The following DENND3 variants were observed in gnomAD, a reference collection of about 807,000 sequenced individuals.
DENND3 encodes DENN domain containing 3.
In DENND3, 88 loss-of-function variants were observed where a neutral mutation model predicts 135.1. The observed-to-expected ratio is 0.65, with a 90% CI of 0.55 to 0.78. The LOEUF is 0.78. DENND3 is among the 30% of genes least tolerant of loss of function. The probability of loss-of-function intolerance (pLI) is 0.00; values close to 1 mark genes in which losing one functional copy is unlikely to be tolerated. For synonymous variants in DENND3, 693 were observed against 712.3 expected (o/e 0.97, Z 0.43); for missense variants, 1,392 against 1,688.4 (o/e 0.82, Z 3.08).
intron 5 of DENND3, among the ~76,000 whole-genome samples, chr8:141,145,842 TATATATATG>T (rs1569555485): frequency 7.2e-5 from 6 of 83,242 alleles, no homozygotes; most frequent in African/African-American, 5.2e-4. Flanking sequence ...TATATATATA[TATATATATG>T]TATTTTTTTT....
Position 141,141,556 on chromosome 8 carries a change from C to T in DENND3, c.623+232C>T, listed in dbSNP as rs773095296. 1.8e-6 allele frequency: 1 copy of T among 553,932 alleles called. No homozygotes were observed. The highest frequency in any genetic ancestry group is 3.2e-6 in the Non-Finnish European group (1 of 309,598). 34.3% of individuals were successfully genotyped at this position (553,932 alleles called of 1,614,324 possible). The stretch of plus-strand genomic sequence containing the variant: ...AGGGGGTGTGGCAGCGGGCGCTCCT[C>T]TCTGTGACTGGTAACATACGGTAAT... On this transcript the variant is annotated intron_variant, in intron 4 of 22. Coordinates refer to ENST00000519811, the MANE Select transcript of DENND3 (RefSeq NM_001352890.3). This position sits in a 1 kb window ranked among gnomAD's most constrained non-coding sequence, Gnocchi z 5.3.
chr8:141,138,222 C>G lies in DENND3; in HGVS notation c.501+85C>G. On this transcript the variant is annotated intron_variant, in intron 3 of 22. Coordinates refer to ENST00000519811, the MANE Select transcript of DENND3 (RefSeq NM_001352890.3). This position sits in a 1 kb window ranked among gnomAD's most constrained non-coding sequence, Gnocchi z 4.8. ...TACACATAACACAACATTCACCATT[C>G]TAACCATTTTAAAGTGTGCAGTTCC... 1 of 1,363,622 alleles carries G rather than the reference C, an allele frequency of 7.3e-7. No individual in the cohort carries two copies. The highest frequency in any genetic ancestry group is 1.0e-6 in the Non-Finnish European group (1 of 981,780). The allele number at this position is 1,363,622 out of a possible 1,614,324, so 84.5% of individuals were successfully genotyped here.
In DENND3 at chr8:141,155,712, G is replaced by A. The variant is rs1819352277; in HGVS notation, c.1075-137G>A. 2.7e-5 allele frequency: 31 copies of A among 1,166,912 alleles called. No homozygotes were observed. The South Asian group carries it at 5.0e-4, about 19-fold the overall frequency. The allele number at this position is 1,166,912 out of a possible 1,614,324, so 72.3% of individuals were successfully genotyped here. A position where few individuals can be genotyped will look rare whatever the true frequency, so the allele number is the denominator to read the frequency against. ...ATGAGTCACTGCACCCGGCCTATGTGTGCATTTTAAAGAGGGTCATTTAAT... is the reference window on the plus strand; with the variant it reads ...ATGAGTCACTGCACCCGGCCTATGTATGCATTTTAAAGAGGGTCATTTAAT... On this transcript the variant is annotated intron_variant, in intron 7 of 22. Coordinates refer to ENST00000519811, the MANE Select transcript of DENND3 (RefSeq NM_001352890.3).
intron 14 of DENND3, chr8:141,176,297 AAAAC>A (rs1485353842): frequency 2.2e-5 from 6 of 271,994 alleles, no homozygotes; most frequent in Non-Finnish European, 3.4e-5. Context: ...CAAAAAAAAA[AAAAC>A]AAAAAGAGGG....
chr8:141,158,356 T>A (rs1819702595), intron 8 of DENND3: 1 of 1,199,390 alleles, frequency 8.3e-7, no homozygotes, highest in Non-Finnish European at 1.1e-6. Context: ...TTTGTGAGAC[T>A]GTGTTGAAGC....
intron 20 of DENND3, chr8:141,191,493 A>AGTG (rs1824749244): frequency 6.6e-6 from 1 of 152,270 alleles, no homozygotes; most frequent in African/African-American, 2.4e-5. Context: ...TGTTTTCTGA[A>AGTG]GTGGCGGCAG....
chr8:141,135,054 T>A (rs922564601), intron 1 of DENND3, among the ~76,000 whole-genome samples: 2 of 152,168 alleles, frequency 1.3e-5, no homozygotes, highest in Admixed American at 1.3e-4. Flanking sequence ...TTAGCCAGGA[T>A]GGTCTCGATC....
chr8:141,183,861 G>GA (rs1469757568), intron 17 of DENND3, among the ~76,000 whole-genome samples: 1 of 152,032 alleles, frequency 6.6e-6, no homozygotes, highest in African/African-American at 2.4e-5. Context: ...TGCAGGTGTT[G>GA]AAACAGGAGT....
intron 1 of DENND3, among the ~76,000 whole-genome samples, chr8:141,136,250 G>A (rs781243242): frequency 4.6e-5 from 7 of 152,190 alleles, no homozygotes; most frequent in Non-Finnish European, 1.0e-4. Context: ...GTGCTTTATA[G>A]GAAGGAGGTG....
chr8:141,150,810 A>G (rs749063329), intron 5 of DENND3, 24 bp from the exon 6 acceptor site: 5 of 1,576,952 alleles, frequency 3.2e-6, no homozygotes, highest in Middle Eastern at 1.7e-4. Flanking sequence ...TCTCTGAACT[A>G]ATGACGGGAA....
At chr8:141,162,971 G>A (rs923981008) in intron 9 of DENND3, among the ~76,000 whole-genome samples, 27 of 152,300 alleles carry the variant, frequency 1.8e-4, no homozygotes, top group African/African-American at 3.6e-4. Context: ...GAAGGCTGGC[G>A]GCCGAGCTGG....
intron 17 of DENND3, 62 bp downstream of exon 17, chr8:141,180,916 G>A (rs918628586): frequency 7.0e-7 from 1 of 1,420,726 alleles, no homozygotes; most frequent in South Asian, 1.2e-5. Context: ...GCTTAGGTTT[G>A]GGTTCAGGGT....
In DENND3 at chr8:141,137,488, C is replaced by T. The variant is rs912591409; in HGVS notation, c.386-534C>T. 6.6e-6 allele frequency among the ~76,000 whole-genome samples: 1 copy of T among 152,150 alleles called. No individual in the cohort carries two copies. Among genetic ancestry groups the T allele is most frequent in the African/African-American group, 2.4e-5 (1 of 41,434 alleles). On this transcript the variant is annotated intron_variant, in intron 2 of 22. Transcript: ENST00000519811. The surrounding 1 kb of genome is among the most constrained non-coding windows in gnomAD (Gnocchi z 4.1). ...AAAAATACATCCAGTTCATCTGCAG[C>T]GGTTCCACCCCCAGTGTGCCTGAGC... is the stretch of plus-strand genomic sequence containing the variant.
intron 19 of DENND3, among the ~76,000 whole-genome samples, 151 bp from the exon 20 acceptor site, chr8:141,190,130 GGTT>G (rs1391722688): frequency 3.4e-5 from 5 of 148,334 alleles, no homozygotes; most frequent in South Asian, 2.1e-4. Flanking sequence ...TACGTTTGCA[GGTT>G]ATTATGTTTG....
intron 8 of DENND3, among the ~76,000 whole-genome samples, chr8:141,159,267 AGGGTCAGGCAGC>A (rs1388975304): frequency 6.6e-6 from 1 of 152,086 alleles, no homozygotes; most frequent in Non-Finnish European, 1.5e-5. Flanking sequence ...TGCCTCCAGG[AGGGTCAGGCAGC>A]GGCAGGGGCC....
intron 8 of DENND3, chr8:141,158,186 T>C: frequency 7.8e-7 from 1 of 1,289,520 alleles, no homozygotes; most frequent in Non-Finnish European, 1.0e-6. Context: ...TGGGCTCTCC[T>C]CCCCAGCCAA....
At position 141,141,152 on chromosome 8, in the gene DENND3, T is replaced by C. The variant is rs1817404142; in HGVS notation, c.502-51T>C. On this transcript the variant is annotated intron_variant, in intron 3 of 22. Transcript: ENST00000519811. The surrounding 1 kb of genome is among the most constrained non-coding windows in gnomAD (Gnocchi z 5.3). ...ACGTGACCCAGTTGGAAACAGATACTGGAATTGCCAAGGTGGGGAGGTGAC... is the reference window on the plus strand; with the variant it reads ...ACGTGACCCAGTTGGAAACAGATACCGGAATTGCCAAGGTGGGGAGGTGAC... The C allele has an allele frequency of 6.2e-7, 1 of 1,613,332 alleles. No homozygotes were observed. The highest frequency in any genetic ancestry group is 1.3e-5 in the African/African-American group (1 of 75,042).
rs999133012 is a variant in DENND3 at position 141,178,167 on chromosome 8, T to C, written c.2807T>C (p.Leu936Ser). 6.2e-7 allele frequency: 1 copy of C among 1,612,954 alleles called. No individual in the cohort carries two copies. Among genetic ancestry groups the C allele is most frequent in the Non-Finnish European group, 8.5e-7 (1 of 1,178,894 alleles). The change falls in exon 16 of 23, where the codon TTA (leucine) becomes TCA (serine). Residue 936 changes from leucine to serine, a missense_variant. Coordinates refer to ENST00000519811, the MANE Select transcript of DENND3 (RefSeq NM_001352890.3). ...SPGAIYAASK[L>S]SYFDKMSNEM... ...GGCGCCATCTACGCTGCCTCCAAGT[T>C]ATCCTACTTTGATAAGATGAGTAAC...
chr8:141,182,238 C>A lies in DENND3; in HGVS notation c.2944+1384C>A. On this transcript the variant is annotated intron_variant, in intron 17 of 22. Coordinates refer to ENST00000519811, the MANE Select transcript of DENND3 (RefSeq NM_001352890.3). The surrounding 1 kb of genome is among the most constrained non-coding windows in gnomAD (Gnocchi z 5.9). Reference sequence around the variant, plus strand: ...TTCACAGAGCACCTGGCCATTCACACACGGAGCTCATGCTTCAGGTGGGCA... The same window carrying A: ...TTCACAGAGCACCTGGCCATTCACAAACGGAGCTCATGCTTCAGGTGGGCA... The A allele has an allele frequency of 1.1e-6, 1 of 932,140 alleles. No individual in the cohort carries two copies. The highest frequency in any genetic ancestry group is 1.3e-6 in the Non-Finnish European group (1 of 781,350). The allele number at this position is 932,140 out of a possible 1,614,324, so 57.7% of individuals were successfully genotyped here. A position where few individuals can be genotyped will look rare whatever the true frequency, so the allele number is the denominator to read the frequency against.
Sources: allele counts gnomAD v4.1 joint callset (sites outside exome capture counted in the v4.1 genomes callset), GRCh38; gene constraint gnomAD v4.1.1; non-coding constraint Gnocchi (gnomAD v3.1); transcripts MANE v1.5; gene names NCBI Gene and HGNC (gene_info 2026-07-23, HGNC 2026-07-21).